Variants in GAPVD1 observed in about 807,000 individuals in gnomAD.
The protein encoded by GAPVD1 is GTPase activating protein and VPS9 domains 1, also known as GTPase-activating protein and VPS9 domain-containing protein 1.
GAPVD1 carries 35 observed loss-of-function variants against 155.5 expected under a neutral mutation model. That is an observed-to-expected ratio of 0.23 (90% CI 0.17 to 0.30). The LOEUF (loss-of-function observed/expected upper bound fraction) is 0.30, where lower values mean the gene tolerates loss of function less well. GAPVD1 is among the 10% of genes least tolerant of loss of function. GAPVD1 has a pLI of 1.00. For synonymous variants in GAPVD1, 636 were observed against 619.7 expected (o/e 1.03, Z -0.39); for missense variants, 1,429 against 1,775.7 (o/e 0.80, Z 3.51).
chr9:125,305,018 A>G, intron 5 of GAPVD1, 45 bp from the exon 6 acceptor site: 2 of 1,233,006 alleles, frequency 1.6e-6, no homozygotes, highest in Non-Finnish European at 2.4e-6. Flanking sequence ...ATTTGTGAGT[A>G]TCTGTCTGTA....
chr9:125,357,202 G>A lies in GAPVD1; in HGVS notation c.3971+1345G>A, dbSNP rs1034455059. Among the ~76,000 whole-genome samples, 4 of 152,134 alleles carry A rather than the reference G, an allele frequency of 2.6e-5. No individual in the cohort carries two copies. In the East Asian group the frequency reaches 7.7e-4, roughly 29 times the overall value. ...CTGCCTTATTCCCTCTGCGAGACCA[G>A]GAAATAATGCTTTTATTAACCATTC... On this transcript the variant is annotated intron_variant, in intron 25 of 27. Transcript: ENST00000297933.
At chr9:125,287,465 G>A (rs749452572) in intron 2 of GAPVD1, among the ~76,000 whole-genome samples, 3 of 152,008 alleles carry the variant, frequency 2.0e-5, no homozygotes, top group Non-Finnish European at 2.9e-5. Flanking sequence ...TGATGGTGCC[G>A]CTGCACTCCA....
chr9:125,332,906 A>C (rs1846289201), intron 15 of GAPVD1, among the ~76,000 whole-genome samples: 1 of 152,242 alleles, frequency 6.6e-6, no homozygotes, highest in South Asian at 2.1e-4. Flanking sequence ...ACTAGAAATA[A>C]CTTAAAAAAT....
chr9:125,285,456 T>TG (rs1185953904), intron 2 of GAPVD1, among the ~76,000 whole-genome samples: 2 of 143,258 alleles, frequency 1.4e-5, no homozygotes, highest in Non-Finnish European at 3.1e-5. Context: ...TTTCTTTGTT[T>TG]TTTTTTTTTT....
At chr9:125,305,476 ACT>A (rs1376614352) in intron 6 of GAPVD1, among the ~76,000 whole-genome samples, 3 of 149,590 alleles carry the variant, frequency 2.0e-5, no homozygotes, top group African/African-American at 7.4e-5. Context: ...GGTTCAAGCA[ACT>A]CTCTGCCTCA....
Position 125,362,642 on chromosome 9 carries a change from A to G in GAPVD1, c.4279A>G (p.Ile1427Val). 1 of 1,612,360 alleles carries G rather than the reference A, an allele frequency of 6.2e-7. No individual in the cohort carries two copies. The highest frequency in any genetic ancestry group is 8.5e-7 in the Non-Finnish European group (1 of 1,178,508). Residue 1427 changes from isoleucine to valine, a missense_variant, in exon 28 of 28, where the codon ATC becomes GTC. Physicochemically the swap from Ile to Val is conservative, Grantham distance 29. Around this residue, in one of 4 missense-constraint regions of GAPVD1, gnomAD observed 102 missense variants for 196.5 expected, o/e 0.52. Transcript: ENST00000297933. ...PPCLLSTVQY[I>V]SSFYASCLSG... ...CTGTTTGCTGTCTACTGTGCAGTAT[A>G]TCAGTAGCTTTTATGCTAGCTGTCT...
At chr9:125,318,958 T>C (rs1235441635) in intron 9 of GAPVD1, among the ~76,000 whole-genome samples, 1 of 151,912 alleles carries the variant, frequency 6.6e-6, no homozygotes, top group East Asian at 1.9e-4. Flanking sequence ...GGCAGATCAC[T>C]TGAGGTCAGG....
In GAPVD1 at chr9:125,271,320, A is replaced by G. The variant is rs142915806; in HGVS notation, c.-150+2336A>G. 4.4e-4 allele frequency among the ~76,000 whole-genome samples: 67 copies of G among 151,552 alleles called. No homozygotes were observed. The East Asian group carries it at 9.9e-3, about 22-fold the overall frequency. Reference sequence around the variant, plus strand: ...AGACTAGTAGAAAGCATGTTGTCAGACGTGTTTAGTTCTTTTTTTTTTCCT... The same window carrying G: ...AGACTAGTAGAAAGCATGTTGTCAGGCGTGTTTAGTTCTTTTTTTTTTCCT... On this transcript the variant is annotated intron_variant, in intron 2 of 27. Coordinates refer to ENST00000297933, the MANE Select transcript of GAPVD1 (RefSeq NM_001282680.3).
At chr9:125,316,422 A>G (rs1302605839) in intron 9 of GAPVD1, among the ~76,000 whole-genome samples, 1 of 152,070 alleles carries the variant, frequency 6.6e-6, no homozygotes, top group Non-Finnish European at 1.5e-5. Flanking sequence ...GAGGGAGAAC[A>G]TGCGGTGTTT....
intron 5 of GAPVD1, among the ~76,000 whole-genome samples, chr9:125,303,280 A>G (rs1841220211): frequency 6.6e-6 from 1 of 151,612 alleles, no homozygotes; most frequent in South Asian, 2.1e-4. Context: ...CGGCTTCCCA[A>G]AGTGCTGGGA....
chr9:125,344,753 AG>A (rs1848278443), intron 19 of GAPVD1, among the ~76,000 whole-genome samples: 1 of 151,886 alleles, frequency 6.6e-6, no homozygotes, highest in African/African-American at 2.4e-5. Flanking sequence ...GGTTACATTA[AG>A]CTATGTGCCA....
chr9:125,263,435 G>A (rs1181799438), intron 1 of GAPVD1: 4 of 520,830 alleles, frequency 7.7e-6, no homozygotes, highest in Non-Finnish European at 1.4e-5. Context: ...GCAACAGAGC[G>A]AGACTCCGTC....
At chr9:125,359,008 T>C (rs143777513) in intron 25 of GAPVD1, among the ~76,000 whole-genome samples, 105 of 152,332 alleles carry the variant, frequency 6.9e-4, no homozygotes, top group African/African-American at 2.2e-3. Flanking sequence ...AAGTGAAAGG[T>C]TGGGTGAATG....
intron 12 of GAPVD1, 94 bp downstream of exon 12, chr9:125,326,683 T>C (rs1192871320): frequency 1.1e-5 from 9 of 837,486 alleles, no homozygotes; most frequent in Middle Eastern, 4.5e-4. Flanking sequence ...CTGACAAACA[T>C]TGTGTGTGTT....
rs1450676708 is a variant in GAPVD1, at chr9:125,365,605, A to C, written c.*2859A>C. On this transcript the variant is annotated 3_prime_UTR_variant, in exon 28 of 28. Coordinates refer to ENST00000297933, the MANE Select transcript of GAPVD1 (RefSeq NM_001282680.3). Reference sequence around the variant, plus strand: ...ATATTCTGCTTTTAGAAGTAATAGAAATACAAGTTGAAGATTGTCTTTACT... The same window carrying C: ...ATATTCTGCTTTTAGAAGTAATAGACATACAAGTTGAAGATTGTCTTTACT... 6.6e-6 allele frequency: 1 copy of C among 152,244 alleles called. No homozygotes were observed. Among genetic ancestry groups the C allele is most frequent in the African/African-American group, 2.4e-5 (1 of 41,474 alleles). 9.4% of individuals were successfully genotyped at this position (152,244 alleles called of 1,614,324 possible). A position where few individuals can be genotyped will look rare whatever the true frequency, so the allele number is the denominator to read the frequency against.
At chr9:125,309,915 C>T (rs1397915072) in intron 8 of GAPVD1, 4 of 456,032 alleles carry the variant, frequency 8.8e-6, no homozygotes, top group South Asian at 6.5e-5. Context: ...CTATTTAATG[C>T]TTTTGCAACC....
intron 24 of GAPVD1, among the ~76,000 whole-genome samples, 161 bp downstream of exon 24, chr9:125,355,002 A>G (rs960734064): frequency 5.9e-5 from 9 of 152,248 alleles, no homozygotes; most frequent in Admixed American, 5.9e-4. Context: ...TGTCAAACCA[A>G]TAAATTGCAT....
At chr9:125,324,836 G>A (rs997384205) in intron 11 of GAPVD1, among the ~76,000 whole-genome samples, 16 of 152,190 alleles carry the variant, frequency 1.1e-4, no homozygotes, top group African/African-American at 3.9e-4. Context: ...GTAGTAAGCT[G>A]GAAGCCACTG....
chr9:125,350,437 A>G (rs775097420), intron 22 of GAPVD1, 33 bp downstream of exon 22: 26 of 1,335,688 alleles, frequency 1.9e-5, no homozygotes, highest in Admixed American at 1.0e-4. Flanking sequence ...AATTTTTCCT[A>G]TGTTTATGGG....
Sources: allele counts gnomAD v4.1 joint callset (sites outside exome capture counted in the v4.1 genomes callset), GRCh38; gene constraint gnomAD v4.1.1; regional missense constraint gnomAD v4.1.1; transcripts MANE v1.5; gene names NCBI Gene and HGNC (gene_info 2026-07-23, HGNC 2026-07-21).